Variants in FDX1 observed in about 807,000 individuals in gnomAD.
The protein encoded by FDX1 is ferredoxin 1.
In FDX1, 9 loss-of-function variants were observed where a neutral mutation model predicts 14.9. The observed-to-expected ratio is 0.60, with a 90% CI of 0.36 to 1.05. The LOEUF is 1.05. FDX1 is among the 50% of genes least tolerant of loss of function. The probability of loss-of-function intolerance (pLI) is 0.01; values close to 1 mark genes in which losing one functional copy is unlikely to be tolerated. For missense variants in FDX1, 204 were observed against 237.2 expected (o/e 0.86, Z 0.92); for synonymous variants, 92 against 99.4 (o/e 0.93, Z 0.44).
At position 110,430,225 on chromosome 11, in the gene FDX1, C is replaced by A. The variant is rs1044503183; in HGVS notation, c.105C>A (p.Ser35Arg). The A allele has an allele frequency of 1.7e-6, 2 of 1,208,928 alleles. No homozygotes were observed. Among genetic ancestry groups the A allele is most frequent in the South Asian group, 8.2e-5 (2 of 24,278 alleles). 74.9% of individuals were successfully genotyped at this position (1,208,928 alleles called of 1,614,324 possible). ...LHHAGSRAGS[S>R]GLLRNRGPGG... ...ACGCTGGGTCCCGCGCTGGATCCAG[C>A]GGCCTGCTGAGGAACCGGGGGCCGG... Residue 35 changes from serine (S) to arginine (R), a missense_variant, in exon 1 of 4, where the codon AGC becomes AGA. Ser to Arg is a moderately radical substitution (Grantham distance 110). Coordinates refer to ENST00000260270, the MANE Select transcript of FDX1 (RefSeq NM_004109.5).
At chr11:110,456,459 G>A (rs1946522119) in intron 2 of FDX1, among the ~76,000 whole-genome samples, 1 of 151,736 alleles carries the variant, frequency 6.6e-6, no homozygotes, top group South Asian at 2.1e-4. Context: ...GGCAGGAGAT[G>A]GAGGCTTGTT....
chr11:110,453,371 C>T (rs1310882775), intron 2 of FDX1, among the ~76,000 whole-genome samples: 2 of 152,052 alleles, frequency 1.3e-5, no homozygotes, highest in East Asian at 3.9e-4. Context: ...CAAAAAGCCT[C>T]ATAGAACTGA....
chr11:110,438,376 A>AT (rs1379803952), intron 2 of FDX1, among the ~76,000 whole-genome samples: 2 of 151,886 alleles, frequency 1.3e-5, no homozygotes, highest in African/African-American at 4.8e-5. Flanking sequence ...AGAGTGGAGT[A>AT]TTTTTTCATG....
At chr11:110,434,009 A>C (rs569281477) in intron 1 of FDX1, among the ~76,000 whole-genome samples, 4 of 152,220 alleles carry the variant, frequency 2.6e-5, no homozygotes, top group Non-Finnish European at 5.9e-5. Flanking sequence ...GAATCTTTTC[A>C]AGTGTGAGGT....
intron 3 of FDX1, among the ~76,000 whole-genome samples, chr11:110,460,324 C>T (rs1257613100): frequency 6.6e-6 from 1 of 152,228 alleles, no homozygotes; most frequent in Non-Finnish European, 1.5e-5. Flanking sequence ...GGCCCCTTAA[C>T]TGATATTCAC....
upstream of FDX1, chr11:110,429,906 CGCGCTCTGCTTGCCAATG>C (rs1946316828): frequency 5.9e-6 from 2 of 339,116 alleles, no homozygotes; most frequent in Non-Finnish European, 1.1e-5. Flanking sequence ...GGGGCGGGGC[CGCGCTCTGCTTGCCAATG>C]TCTTTATAGG....
chr11:110,433,470 T>C (rs1946344689), intron 1 of FDX1, among the ~76,000 whole-genome samples: 1 of 152,224 alleles, frequency 6.6e-6, no homozygotes, highest in South Asian at 2.1e-4. Flanking sequence ...CTTATGTAGA[T>C]GGTCACTAAA....
At chr11:110,441,387 C>A (rs1001171465) in intron 2 of FDX1, among the ~76,000 whole-genome samples, 1 of 152,128 alleles carries the variant, frequency 6.6e-6, no homozygotes, top group Non-Finnish European at 1.5e-5. Flanking sequence ...TTTGGAACTC[C>A]CTAGAGACTT....
At chr11:110,437,702 A>T (rs7951318) in intron 2 of FDX1, among the ~76,000 whole-genome samples, 42,359 of 152,060 alleles carry the variant, frequency 0.28, 5,988 homozygotes, top group East Asian at 0.37. Context: ...AAATGGATGT[A>T]TCATGTGATG....
intron 2 of FDX1, among the ~76,000 whole-genome samples, chr11:110,455,857 C>T (rs1264970743): frequency 1.3e-5 from 2 of 152,168 alleles, no homozygotes; most frequent in Non-Finnish European, 2.9e-5. Context: ...CAGACTTTAG[C>T]TTGGTAGAAG....
chr11:110,445,149 T>C (rs768381232), intron 2 of FDX1, among the ~76,000 whole-genome samples: 1 of 152,176 alleles, frequency 6.6e-6, no homozygotes, highest in Admixed American at 6.5e-5. Context: ...TCTTTAAATG[T>C]CCTATTTGAT....
At chr11:110,434,334 A>ATTTTT (rs1555068018) in intron 1 of FDX1, among the ~76,000 whole-genome samples, 1 of 126,408 alleles carries the variant, frequency 7.9e-6, no homozygotes, top group African/African-American at 3.0e-5. Flanking sequence ...CGCCCTATTG[A>ATTTTT]TTTTTTTTTT....
At chr11:110,440,750 C>T (rs1482519785) in intron 2 of FDX1, among the ~76,000 whole-genome samples, 6 of 152,142 alleles carry the variant, frequency 3.9e-5, no homozygotes, top group African/African-American at 9.7e-5. Flanking sequence ...AACAATCAGC[C>T]TGACGTTTGG....
intron 1 of FDX1, among the ~76,000 whole-genome samples, chr11:110,431,498 C>T (rs193057333): frequency 6.6e-6 from 1 of 152,122 alleles, no homozygotes; most frequent in Non-Finnish European, 1.5e-5. Context: ...AGTGGGTGCT[C>T]CATACATTTT....
At chr11:110,450,818 A>G (rs534139664) in intron 2 of FDX1, among the ~76,000 whole-genome samples, 1 of 152,300 alleles carries the variant, frequency 6.6e-6, no homozygotes, top group East Asian at 1.9e-4. Flanking sequence ...ATATATATAC[A>G]TGTACATACA....
rs897872771 is a variant in FDX1 at position 110,430,094 on chromosome 11, G to C, written c.-27G>C. The C allele has an allele frequency of 3.3e-6, 4 of 1,218,454 alleles. No individual in the cohort carries two copies. The highest frequency in any genetic ancestry group is 4.4e-5 in the Admixed American group (1 of 22,890). 75.5% of individuals were successfully genotyped at this position (1,218,454 alleles called of 1,614,324 possible). A position where few individuals can be genotyped will look rare whatever the true frequency, so the allele number is the denominator to read the frequency against. On this transcript the variant is annotated 5_prime_UTR_variant, in exon 1 of 4. Coordinates refer to ENST00000260270, the MANE Select transcript of FDX1 (RefSeq NM_004109.5). Reference sequence around the variant, plus strand: ...GCGGCCTCAAAGCGCGGCCTGCGTCGCTTCCGGCAGTTCCCGACCGCGGGC... The same window carrying C: ...GCGGCCTCAAAGCGCGGCCTGCGTCCCTTCCGGCAGTTCCCGACCGCGGGC...
intron 2 of FDX1, among the ~76,000 whole-genome samples, chr11:110,456,172 G>A (rs561862951): frequency 4.6e-5 from 7 of 152,332 alleles, no homozygotes; most frequent in South Asian, 4.1e-4. Context: ...GATTGAGAGG[G>A]AAGAACATTT....
rs116399525 is a variant in FDX1, at chr11:110,459,331, A to G, written c.440+2284A>G. ...GTGGAGAAAGCATTCATTAAATGGT[A>G]GTTGTTAGCATTGTAACTACCATCA... On this transcript the variant is annotated intron_variant, in intron 3 of 3. Transcript: ENST00000260270. 6.9e-3 allele frequency among the ~76,000 whole-genome samples: 1,054 copies of G among 152,336 alleles called. 11 individuals carry two copies. Among genetic ancestry groups the G allele is most frequent in the African/African-American group, 0.024 (1,016 of 41,570 alleles).
At chr11:110,433,815 G>T (rs1329426992) in intron 1 of FDX1, among the ~76,000 whole-genome samples, 2 of 152,052 alleles carry the variant, frequency 1.3e-5, no homozygotes. Flanking sequence ...ATTAGGGAGG[G>T]CATTATCCCA....
Sources: gnomAD v4.1 joint callset for allele counts (sites outside exome capture counted in the v4.1 genomes callset) on GRCh38, gnomAD v4.1.1 for gene constraint, MANE v1.5 for transcripts, NCBI Gene and HGNC (gene_info 2026-07-23, HGNC 2026-07-21) for gene names.